The following NBDY variants were observed in gnomAD, a reference collection of about 807,000 sequenced individuals.
NBDY encodes negative regulator of P-body association, also known as P-body dissociating protein.
chrX:56,762,966 G>A (rs769371203), intron 2 of NBDY, among the ~76,000 whole-genome samples: 1 of 111,883 alleles, frequency 8.9e-6, no homozygotes, highest in Non-Finnish European at 1.9e-5. Flanking sequence ...CTCCCACACA[G>A]ACACATACAC....
chrX:56,789,115 G>A (rs1206204108), intron 2 of NBDY, among the ~76,000 whole-genome samples: 2 of 112,750 alleles, frequency 1.8e-5, no homozygotes, highest in East Asian at 2.8e-4. Flanking sequence ...TGCTGCCAAC[G>A]GAATAAAACA....
intron 2 of NBDY, among the ~76,000 whole-genome samples, chrX:56,748,275 A>G (rs940809264): frequency 5.4e-5 from 6 of 111,736 alleles, no homozygotes; most frequent in Non-Finnish European, 1.1e-4. Flanking sequence ...GTCAAGGGAA[A>G]CAGAATAATA....
intron 2 of NBDY, among the ~76,000 whole-genome samples, chrX:56,739,238 G>GTGTATATATATATATA (rs1556001298): frequency 6.7e-5 from 4 of 59,632 alleles, no homozygotes; most frequent in African/African-American, 2.8e-4. Context: ...GTTTGTGTGT[G>GTGTATATATATATATA]TATATATATA....
chrX:56,755,404 T>C (rs2069604979), intron 2 of NBDY, among the ~76,000 whole-genome samples: 1 of 112,115 alleles, frequency 8.9e-6, no homozygotes, highest in South Asian at 3.7e-4. Context: ...GACAACGGGC[T>C]AATATCCAGA....
At chrX:56,760,616 G>A (rs1021435288) in intron 2 of NBDY, among the ~76,000 whole-genome samples, 5 of 111,932 alleles carry the variant, frequency 4.5e-5, no homozygotes, top group South Asian at 7.4e-4. Context: ...CCCGGGAGAC[G>A]GAGGTTGTGG....
intron 2 of NBDY, among the ~76,000 whole-genome samples, chrX:56,796,306 C>A (rs723089): frequency 0.57 from 63,224 of 111,079 alleles, 15,552 homozygotes; most frequent in Non-Finnish European, 0.77. Context: ...ACTTGGGCTG[C>A]CAGCTGCCCA....
chrX:56,813,180 A>C (rs767312478), intron 2 of NBDY, among the ~76,000 whole-genome samples: 1 of 111,533 alleles, frequency 9.0e-6, no homozygotes, highest in African/African-American at 3.3e-5. Flanking sequence ...TAGAACTTAA[A>C]GTATATATAT....
chrX:56,788,602 C>T (rs2069743686), intron 2 of NBDY, among the ~76,000 whole-genome samples: 1 of 111,439 alleles, frequency 9.0e-6, no homozygotes, highest in Admixed American at 9.4e-5. Flanking sequence ...CCACACTCAG[C>T]ACCCCGTAGC....
chrX:56,737,227 A>G lies in NBDY; in HGVS notation c.*166+5028A>G, dbSNP rs768093050. ...ATCTTCATAACAGCTGCATCCACAG[A>G]CTTCAACTACATGATTACTTCTTTG... On this transcript the variant is annotated intron_variant, in intron 2 of 2. Coordinates refer to ENST00000374922, the MANE Select transcript of NBDY (RefSeq NM_001348129.2). 98 of 976,424 alleles carry G rather than the reference A, an allele frequency of 1.0e-4. No individual in the cohort carries two copies. The Middle Eastern group carries it at 2.3e-3, about 23-fold the overall frequency. 80.5% of individuals were successfully genotyped at this position (976,424 alleles called of 1,213,427 possible). A position where few individuals can be genotyped will look rare whatever the true frequency, so the allele number is the denominator to read the frequency against.
intron 2 of NBDY, among the ~76,000 whole-genome samples, chrX:56,801,169 C>G (rs187944970): frequency 1.8e-5 from 2 of 111,517 alleles, no homozygotes; most frequent in Non-Finnish European, 3.8e-5. Flanking sequence ...GTCCTTTCAC[C>G]GGGACATCAC....
chrX:56,799,464 G>A (rs2069810860), intron 2 of NBDY, among the ~76,000 whole-genome samples: 1 of 113,288 alleles, frequency 8.8e-6, no homozygotes, highest in African/African-American at 3.2e-5. Flanking sequence ...AGACTGTTCT[G>A]TCCCCGGGCC....
chrX:56,795,096 G>A (rs918226557), intron 2 of NBDY, among the ~76,000 whole-genome samples: 4 of 112,513 alleles, frequency 3.6e-5, no homozygotes, highest in Admixed American at 2.8e-4. Flanking sequence ...TGGTTCACCA[G>A]TTAGTTGTTC....
At chrX:56,794,455 C>T (rs1397154073) in intron 2 of NBDY, among the ~76,000 whole-genome samples, 2 of 111,946 alleles carry the variant, frequency 1.8e-5, no homozygotes, top group Non-Finnish European at 3.8e-5. Context: ...GGAGTACCCA[C>T]CTCACCTATA....
At chrX:56,783,249 G>C (rs1039015162) in intron 2 of NBDY, among the ~76,000 whole-genome samples, 6 of 112,762 alleles carry the variant, frequency 5.3e-5, no homozygotes, top group Non-Finnish European at 1.1e-4. Flanking sequence ...CAGTCGGGGC[G>C]GCCAGCCATG....
chrX:56,787,149 C>T (rs2069733748), intron 2 of NBDY, among the ~76,000 whole-genome samples: 1 of 111,103 alleles, frequency 9.0e-6, no homozygotes, highest in African/African-American at 3.3e-5. Context: ...TTTGCTGACT[C>T]TCACTAACAA....
intron 1 of NBDY, among the ~76,000 whole-genome samples, chrX:56,730,546 A>AAAAAAAAAAAAAAAAAAAAAAAAAAC (rs2069452838): frequency 9.9e-6 from 1 of 100,698 alleles, no homozygotes; most frequent in Non-Finnish European, 2.0e-5. Context: ...AAAAAAAAAA[A>AAAAAAAAAAAAAAAAAAAAAAAAAAC]GGAAGGAGGA....
At chrX:56,798,260 C>T (rs1476820451) in intron 2 of NBDY, among the ~76,000 whole-genome samples, 4 of 112,124 alleles carry the variant, frequency 3.6e-5, no homozygotes, top group Non-Finnish European at 7.5e-5. Flanking sequence ...GGTCAACCCG[C>T]TTAAAAACAG....
intron 2 of NBDY, among the ~76,000 whole-genome samples, chrX:56,764,972 A>G (rs764854095): frequency 9.8e-5 from 11 of 112,511 alleles, no homozygotes; most frequent in African/African-American, 2.9e-4. Context: ...CCAGCTGTCC[A>G]TCTGAGGCAC....
At position 56,737,508 on chromosome X, in the gene NBDY, T is replaced by C. The variant is rs768820706; in HGVS notation, c.*166+5309T>C. 255 of 905,770 alleles carry C rather than the reference T, an allele frequency of 2.8e-4. 2 individuals carry two copies. The Middle Eastern group carries it at 7.5e-3, about 27-fold the overall frequency. 74.6% of individuals were successfully genotyped at this position (905,770 alleles called of 1,213,427 possible). On this transcript the variant is annotated intron_variant, in intron 2 of 2. Transcript: ENST00000374922. ...AACCCCAGTTTATTGAATCCTGCAG[T>C]ATTGTAATACCATTTTCGAATACCA...
Sources: allele counts gnomAD v4.1 joint callset (sites outside exome capture counted in the v4.1 genomes callset), GRCh38; gene constraint gnomAD v4.1.1; transcripts MANE v1.5; gene names NCBI Gene and HGNC (gene_info 2026-07-23, HGNC 2026-07-21).